The following RBFOX1 variants were observed in gnomAD, a reference collection of about 807,000 sequenced individuals.
The protein encoded by RBFOX1 is RNA binding protein fox-1 homolog 1.
RBFOX1 carries 8 observed loss-of-function variants against 57.7 expected under a neutral mutation model. The observed-to-expected ratio is 0.14, with a 90% CI of 0.08 to 0.25. The LOEUF (loss-of-function observed/expected upper bound fraction) is 0.25. Ranked by LOEUF, RBFOX1 falls within the 10% of genes least tolerant of loss-of-function variation. RBFOX1 has a pLI of 1.00. For missense variants in RBFOX1, 611 were observed against 548.5 expected (o/e 1.11, Z -1.14); for synonymous variants, 326 against 222.4 (o/e 1.47, Z -4.15).
chr16:6,168,217 T>C (rs1200414463), intron 1 of RBFOX1, among the ~76,000 whole-genome samples: 1 of 152,216 alleles, frequency 6.6e-6, no homozygotes, highest in Non-Finnish European at 1.5e-5. Context: ...ATGCTCATAA[T>C]CTATTAGTTT....
chr16:5,778,432 G>T (rs769240859), intron 3 of RBFOX1, among the ~76,000 whole-genome samples: 1 of 152,138 alleles, frequency 6.6e-6, no homozygotes, highest in Non-Finnish European at 1.5e-5. Context: ...ATGGGCTTCA[G>T]CTCCCTGCCA....
intron 1 of RBFOX1, among the ~76,000 whole-genome samples, chr16:6,117,594 C>T (rs1317422365): frequency 5.9e-5 from 9 of 152,232 alleles, no homozygotes; most frequent in East Asian, 1.9e-4. Context: ...TGCCTTTTGC[C>T]GTGTGAAGAC....
chr16:6,245,973 C>A (rs1037779298), intron 1 of RBFOX1, among the ~76,000 whole-genome samples: 8 of 152,096 alleles, frequency 5.3e-5, no homozygotes, highest in Admixed American at 1.3e-4. Flanking sequence ...TTTACTTTTC[C>A]CTCTCTTTTT....
At chr16:7,244,545 G>C (rs1421223816) in intron 4 of RBFOX1, among the ~76,000 whole-genome samples, 1 of 152,176 alleles carries the variant, frequency 6.6e-6, no homozygotes, top group Non-Finnish European at 1.5e-5. Flanking sequence ...AGCCAGCGGT[G>C]GCTCTCAGTT....
At chr16:6,605,356 G>C (rs1055808361) in intron 2 of RBFOX1, among the ~76,000 whole-genome samples, 10 of 152,122 alleles carry the variant, frequency 6.6e-5, no homozygotes, top group African/African-American at 2.4e-4. Flanking sequence ...TCTGGCATTT[G>C]TTTCATTGCT....
intron 3 of RBFOX1, 114 bp downstream of exon 3, chr16:6,654,764 C>G: frequency 2.9e-6 from 2 of 689,822 alleles, no homozygotes; most frequent in Non-Finnish European, 4.5e-6. Flanking sequence ...GATTCACGGT[C>G]TATGACATAT....
intron 3 of RBFOX1, among the ~76,000 whole-genome samples, chr16:6,888,431 T>C (rs1360559407): frequency 6.6e-6 from 1 of 152,166 alleles, no homozygotes; most frequent in East Asian, 1.9e-4. Context: ...GAAAGCAGTG[T>C]TCTCTTTATA....
At chr16:6,911,909 A>T (rs2071715848) in intron 3 of RBFOX1, among the ~76,000 whole-genome samples, 1 of 152,212 alleles carries the variant, frequency 6.6e-6, no homozygotes, top group Admixed American at 6.5e-5. Context: ...GTGGCCAAAT[A>T]TAGAAGACAC....
chr16:6,952,282 A>C (rs942389442), intron 3 of RBFOX1, among the ~76,000 whole-genome samples: 2 of 152,200 alleles, frequency 1.3e-5, no homozygotes, highest in African/African-American at 4.8e-5. Context: ...GAACAAACTT[A>C]AAGGTAAAGC....
intron 2 of RBFOX1, among the ~76,000 whole-genome samples, chr16:6,486,493 A>G (rs2095484968): frequency 6.6e-6 from 1 of 152,102 alleles, no homozygotes; most frequent in Non-Finnish European, 1.5e-5. Context: ...TAAAAACTTC[A>G]CGTGTCTTAG....
intron 4 of RBFOX1, among the ~76,000 whole-genome samples, chr16:7,164,907 C>T (rs571378713): frequency 1.3e-5 from 2 of 152,278 alleles, no homozygotes; most frequent in South Asian, 2.1e-4. Flanking sequence ...TTGTTTGCTT[C>T]TTGAATTAAT....
At chr16:5,474,930 A>G (rs2069269056) in intron 2 of RBFOX1, among the ~76,000 whole-genome samples, 1 of 152,208 alleles carries the variant, frequency 6.6e-6, no homozygotes. Context: ...ATAGAAAATG[A>G]CCATCTTGAG....
At chr16:6,653,749 G>A (rs1318316115) in intron 2 of RBFOX1, among the ~76,000 whole-genome samples, 1 of 151,806 alleles carries the variant, frequency 6.6e-6, no homozygotes, top group African/African-American at 2.4e-5. Context: ...TGGATGGATG[G>A]GTGGGTAGAT....
At position 5,490,489 on chromosome 16, in the gene RBFOX1, C is replaced by T. The variant is rs183058160; in HGVS notation, c.258+23235C>T. Among the ~76,000 whole-genome samples the T allele has an allele frequency of 8.5e-5, 13 of 152,284 alleles. No homozygotes were observed. The East Asian group carries it at 1.5e-3, about 18-fold the overall frequency. ...AGAGAGAGGCGTCCTGGGAACCTGG[C>T]GTTGCTATCCGGAGCCCTTTCAGGG... On this transcript the variant is annotated intron_variant, in intron 2 of 2. Coordinates refer to the RBFOX1 transcript ENST00000585867.
In RBFOX1 at chr16:7,428,754, A is replaced by G. The variant is rs1313257984; in HGVS notation, c.28-89393A>G. Among the ~76,000 whole-genome samples, 5 of 151,844 alleles carry G rather than the reference A, an allele frequency of 3.3e-5. No individual in the cohort carries two copies. The East Asian group carries it at 5.8e-4, about 18-fold the overall frequency. On this transcript the variant is annotated intron_variant, in intron 4 of 15. Coordinates refer to ENST00000550418, the MANE Select transcript of RBFOX1 (RefSeq NM_018723.4). ...AGTGTTCACACAATGATATATGTGG[A>G]TTTTTCTTTCTTTCTCTTTTATTTT...
chr16:7,420,597 T>C (rs1040325917), intron 4 of RBFOX1, among the ~76,000 whole-genome samples: 3 of 152,080 alleles, frequency 2.0e-5, no homozygotes, highest in African/African-American at 4.8e-5. Flanking sequence ...TTTTTTTCTT[T>C]CCCTTTCTGA....
At chr16:7,687,579 A>C (rs1320495220) in intron 14 of RBFOX1, among the ~76,000 whole-genome samples, 1 of 152,024 alleles carries the variant, frequency 6.6e-6, no homozygotes, top group African/African-American at 2.4e-5. Flanking sequence ...TTCAGAAAAC[A>C]CTCATGGCTG....
chr16:7,510,489 G>GTGTGTC (rs2074744684), intron 4 of RBFOX1, among the ~76,000 whole-genome samples: 1 of 19,642 alleles, frequency 5.1e-5, no homozygotes, highest in East Asian at 7.6e-4. Context: ...ATGTGTGTCT[G>GTGTGTC]TGTGTGTGTG....
chr16:5,371,680 A>C (rs2065860271), intron 1 of RBFOX1, among the ~76,000 whole-genome samples: 1 of 152,132 alleles, frequency 6.6e-6, no homozygotes, highest in Non-Finnish European at 1.5e-5. Flanking sequence ...TTTTTCCCAC[A>C]TTTTGAGGGA....
Sources: allele counts gnomAD v4.1 joint callset (sites outside exome capture counted in the v4.1 genomes callset), GRCh38; gene constraint gnomAD v4.1.1; transcripts MANE v1.5; gene names NCBI Gene and HGNC (gene_info 2026-07-23, HGNC 2026-07-21).